Variants in ADGRG1 observed in about 807,000 individuals in gnomAD.
The protein encoded by ADGRG1 is 7-transmembrane protein with no EGF-like N-terminal domains-1.
ADGRG1 carries 53 observed loss-of-function variants against 73.5 expected under a neutral mutation model. The ratio of observed to expected loss-of-function variants is 0.72; its 90% CI spans 0.58 to 0.91. The LOEUF is 0.91. ADGRG1 is among the 40% of genes least tolerant of loss of function. The pLI is 0.00. For synonymous variants in ADGRG1, 394 were observed against 374.4 expected (o/e 1.05, Z -0.60); for missense variants, 795 against 871.8 (o/e 0.91, Z 1.11).
intron 1 of ADGRG1, chr16:57,634,528 C>T: frequency 1.1e-6 from 1 of 939,536 alleles, no homozygotes; most frequent in Non-Finnish European, 1.3e-6. Flanking sequence ...AGACTTGAAA[C>T]TTTATCCACA....
In ADGRG1 at chr16:57,650,236, C is replaced by T; in HGVS notation, c.-35-17C>T. 3.1e-6 allele frequency: 5 copies of T among 1,590,726 alleles called. No individual in the cohort carries two copies. Among genetic ancestry groups the T allele is most frequent in the Non-Finnish European group, 4.3e-6 (5 of 1,158,776 alleles). ...ACACAGTCCACACTCCCAGCTAACA[C>T]TCCTGGTCTCTTCCAGGTGGTGACT... On this transcript the variant is annotated splice_polypyrimidine_tract_variant and intron_variant, in intron 1 of 13. Coordinates refer to ENST00000562631, the MANE Select transcript of ADGRG1 (RefSeq NM_201525.4).
At chr16:57,634,096 G>A (rs1192147470) in intron 1 of ADGRG1, 5 of 985,342 alleles carry the variant, frequency 5.1e-6, no homozygotes, top group African/African-American at 3.5e-5. Flanking sequence ...TTCCAGTCGA[G>A]CTGGTTTCCT....
chr16:57,623,759 C>T (rs1205926073), upstream of ADGRG1: 19 of 982,964 alleles, frequency 1.9e-5, 1 homozygote, highest in South Asian at 4.2e-4. Flanking sequence ...GGCCCTGAGG[C>T]GGGTGTGATG....
At chr16:57,630,191 A>G (rs111488629) in intron 1 of ADGRG1, 4,731 of 392,238 alleles carry the variant, frequency 0.012, 215 homozygotes, top group African/African-American at 0.097. Flanking sequence ...CTCCCAGAGG[A>G]TAGCCCCGGG....
chr16:57,656,230 A>G lies in ADGRG1; in HGVS notation c.1022A>G (p.Asn341Ser). The G allele has an allele frequency of 6.2e-7, 1 of 1,613,174 alleles. No individual in the cohort carries two copies. Among genetic ancestry groups the G allele is most frequent in the South Asian group, 1.1e-5 (1 of 91,046 alleles). ...LTFQHQLQPKNVTLQCVFWVE... is the reference protein window; with the variant it reads ...LTFQHQLQPKSVTLQCVFWVE... ...TCTCCTTTCTTGTCCCTACAGAAGA[A>G]TGTGACTCTGCAATGTGTGTTCTGG... Residue 341 changes from asparagine (N) to serine (S), a missense_variant, in exon 8 of 14, where the codon AAT becomes AGT. By Grantham distance (46) the Asn-to-Ser change is conservative (BLOSUM62 1). Transcript: ENST00000562631.
At chr16:57,653,920 T>G in intron 4 of ADGRG1, 66 bp from the exon 5 acceptor site, 1 of 1,609,634 alleles carries the variant, frequency 6.2e-7, no homozygotes, top group Non-Finnish European at 8.5e-7. Flanking sequence ...CTCGTCCTCC[T>G]GCCTCAGTCT....
chr16:57,648,328 C>CA lies in ADGRG1; in HGVS notation c.-35-1921dup, dbSNP rs2043185794. 7.9e-6 allele frequency: 3 copies of CA among 380,118 alleles called. No individual in the cohort carries two copies. The Admixed American group carries it at 1.9e-4, about 24-fold the overall frequency. The allele number at this position is 380,118 out of a possible 1,614,324, so 23.5% of individuals were successfully genotyped here. On this transcript the variant is annotated intron_variant, in intron 1 of 13. Coordinates refer to ENST00000562631, the MANE Select transcript of ADGRG1 (RefSeq NM_201525.4). The stretch of plus-strand genomic sequence containing the variant: ...GGCAGGAGGCAGTTTCAAAAGGAAT[C>CA]AAAATGCTTACAAATCACAACCTGG...
In ADGRG1 at chr16:57,659,698, G is replaced by C; in HGVS notation, c.1555+17G>C. 10 of 1,613,170 alleles carry C rather than the reference G, an allele frequency of 6.2e-6. No homozygotes were observed. Among genetic ancestry groups the C allele is most frequent in the Non-Finnish European group, 8.5e-6 (10 of 1,179,702 alleles). On this transcript the variant is annotated intron_variant, in intron 11 of 13. Transcript: ENST00000562631. ...TGGGCTGGGGTAAGTGGTTGGGCGG[G>C]GGGTGCCTCAGACCTGCCTCTCCCA...
At chr16:57,634,410 G>A (rs1417063308) in intron 1 of ADGRG1, 8 of 985,420 alleles carry the variant, frequency 8.1e-6, no homozygotes, top group East Asian at 1.1e-4. Context: ...ATCTGGGCAC[G>A]GGCCAAACAG....
intron 1 of ADGRG1, chr16:57,634,018 AC>A: frequency 3.2e-6 from 3 of 943,318 alleles, no homozygotes; most frequent in Non-Finnish European, 3.8e-6. Flanking sequence ...TGGAGCCATT[AC>A]CCACAGAACC....
At chr16:57,645,299 G>A (rs1567725761) in intron 1 of ADGRG1, 3 of 985,292 alleles carry the variant, frequency 3.0e-6, no homozygotes, top group African/African-American at 3.5e-5. Flanking sequence ...CTCCAGGTGG[G>A]CAAGACTAGG....
chr16:57,633,934 C>T (rs2038682471), intron 1 of ADGRG1: 1 of 241,232 alleles, frequency 4.1e-6, no homozygotes, highest in South Asian at 1.5e-4. Context: ...GGGACTCCTT[C>T]ATGTTCCCCA....
At chr16:57,661,666 A>T in intron 12 of ADGRG1, 31 bp from the exon 13 acceptor site, 4 of 1,602,998 alleles carry the variant, frequency 2.5e-6, no homozygotes, top group Non-Finnish European at 3.4e-6. Flanking sequence ...CGTGCTGGCC[A>T]CACGCTGAGC....
chr16:57,643,399 A>C (rs1036117004), intron 1 of ADGRG1: 1 of 193,054 alleles, frequency 5.2e-6, no homozygotes, highest in East Asian at 1.9e-4. Flanking sequence ...GTCCCTTCCT[A>C]TGAGTGGGTC....
upstream of ADGRG1, chr16:57,625,563 T>C (rs909100027): frequency 1.5e-5 from 15 of 984,622 alleles, no homozygotes; most frequent in Non-Finnish European, 1.8e-5. Context: ...TGCCCATCCC[T>C]CCGCATCATT....
intron 1 of ADGRG1, chr16:57,647,145 G>T (rs762057083): frequency 2.2e-5 from 22 of 985,436 alleles, no homozygotes; most frequent in Non-Finnish European, 2.5e-5. Flanking sequence ...AAGGAGGGGC[G>T]CTAAGTGGAC....
intron 1 of ADGRG1, chr16:57,636,209 G>A: frequency 1.0e-6 from 1 of 985,348 alleles, no homozygotes. Context: ...GGGCCTTTGA[G>A]GGTCTTGGGG....
upstream of ADGRG1, chr16:57,623,943 G>C: frequency 2.1e-6 from 1 of 476,154 alleles, no homozygotes; most frequent in Non-Finnish European, 2.7e-6. Flanking sequence ...TCCTCTCTCT[G>C]AGCCTCAGTT....
At chr16:57,642,448 C>A in intron 1 of ADGRG1, 1 of 985,306 alleles carries the variant, frequency 1.0e-6, no homozygotes, top group African/African-American at 1.7e-5. Flanking sequence ...GAGGTGCTGG[C>A]AGGCTTCTGT....
Sources: gnomAD v4.1 joint callset for allele counts on GRCh38, gnomAD v4.1.1 for gene constraint, MANE v1.5 for transcripts, NCBI Gene and HGNC (gene_info 2026-07-23, HGNC 2026-07-21) for gene names.